GOLGA6L6: variants seen among roughly 807,000 people sequenced by gnomAD.
GOLGA6L6 encodes golgin subfamily A member 6-like protein 6.
Under a neutral mutation model 75.6 loss-of-function variants are expected in GOLGA6L6, and 12 were observed. That is an observed-to-expected ratio of 0.16 (90% CI 0.10 to 0.26). The LOEUF is 0.26. Ranked by LOEUF, GOLGA6L6 falls within the 10% of genes least tolerant of loss-of-function variation. GOLGA6L6 has a pLI of 1.00. For synonymous variants in GOLGA6L6, 38 were observed against 179.2 expected (o/e 0.21, Z 6.29); for missense variants, 144 against 598.5 (o/e 0.24, Z 7.92).
rs1890237554 is a variant in GOLGA6L6, at chr15:20,532,435, G to T, written c.*1168C>A. 8.1e-6 allele frequency: 1 copy of T among 123,918 alleles called. No individual in the cohort carries two copies. The highest frequency in any genetic ancestry group is 2.3e-4 in the East Asian group (1 of 4,382). The allele number at this position is 123,918 out of a possible 1,614,324, so 7.7% of individuals were successfully genotyped here. ...CTCGGGAAGCTGAGGCAGGAGAATT[G>T]CTTGAACCCAGGAGGCAGAGGTTAC... is the stretch of plus-strand genomic sequence containing the variant. On this transcript the variant is annotated 3_prime_UTR_variant, in exon 9 of 9. Coordinates refer to ENST00000619213, the MANE Select transcript of GOLGA6L6 (RefSeq NM_001145004.2).
At position 20,534,877 on chromosome 15, in the gene GOLGA6L6, C is replaced by T; in HGVS notation, c.1557G>A (p.Glu519=). 7.9e-7 allele frequency: 1 copy of T among 1,273,136 alleles called. No homozygotes were observed. Among genetic ancestry groups the T allele is most frequent in the South Asian group, 1.3e-5 (1 of 77,330 alleles). 78.9% of individuals were successfully genotyped at this position (1,273,136 alleles called of 1,614,324 possible). The change falls in exon 8 of 9, where the codon GAG becomes GAA. Residue 519 remains glutamate (E), a synonymous_variant. Transcript: ENST00000619213. ...GCATCTTCTCTTCCTCCCTCCACAT[C>T]TCCTCCTGCTCCCGTATCTTCTCCT... The part of the protein sequence containing the change: ...RQEEKIREQE[E]MWREEEKMHE...
rs889707760 is a variant in GOLGA6L6 at position 20,532,266 on chromosome 15, A to G, written c.*1337T>C. The G allele has an allele frequency of 7.0e-6, 1 of 143,512 alleles. No individual in the cohort carries two copies. The highest frequency in any genetic ancestry group is 2.7e-5 in the African/African-American group (1 of 37,252). 8.9% of individuals were successfully genotyped at this position (143,512 alleles called of 1,614,324 possible). A position where few individuals can be genotyped will look rare whatever the true frequency, so the allele number is the denominator to read the frequency against. On this transcript the variant is annotated 3_prime_UTR_variant, in exon 9 of 9. Transcript: ENST00000619213. ...ACAGATGGGCCAGATGCAGTGGCTC[A>G]TACTTGTAATCCCAGCACTTTGGGA...
chr15:20,534,501 A>G lies in GOLGA6L6; in HGVS notation c.1933T>C (p.Trp645Arg), dbSNP rs3102424. ...TCCCTTATCTTCTCCTCCTGCCTCC[A>G]CATCGTCTCCTCCTGTTCTTGCATC... ...EKMQEQEETM[W>R]RQEEKIREQE... Residue 645 changes from tryptophan (W) to arginine (R), a missense_variant, in exon 8 of 9, where the codon TGG becomes CGG. Physicochemically the swap from Trp to Arg is moderately radical, Grantham distance 101. Coordinates refer to ENST00000619213, the MANE Select transcript of GOLGA6L6 (RefSeq NM_001145004.2). 0.12 allele frequency: 121,110 copies of G among 1,042,614 alleles called. 6,023 individuals carry two copies. Among genetic ancestry groups the G allele is most frequent in the East Asian group, 0.48 (12,763 of 26,712 alleles). The allele number at this position is 1,042,614 out of a possible 1,614,324, so 64.6% of individuals were successfully genotyped here.
Position 20,535,057 on chromosome 15 carries a change from T to A in GOLGA6L6, c.1377A>T (p.Ile459=), listed in dbSNP as rs555450276. The change falls in exon 8 of 9, where the codon ATA becomes ATT. Residue 459 remains isoleucine (I), a synonymous_variant. Transcript: ENST00000619213. ...GCCTCCATATCTCCTCCTGCTCCCT[T>A]ATCTTCTCCTCCTGCCTCCACATCT... The part of the protein sequence containing the change: ...QEEMWRQEEK[I]REQEEIWRQK... The A allele has an allele frequency of 2.6e-6, 3 of 1,170,036 alleles. No individual in the cohort carries two copies. The East Asian group carries it at 8.5e-5, about 33-fold the overall frequency. 72.5% of individuals were successfully genotyped at this position (1,170,036 alleles called of 1,614,324 possible).
chr15:20,537,598 C>T (rs1196806225), intron 5 of GOLGA6L6, among the ~76,000 whole-genome samples: 7 of 147,438 alleles, frequency 4.7e-5, no homozygotes, highest in African/African-American at 7.5e-5. Flanking sequence ...GAAAAACATG[C>T]GGTATTAAAG....
intron 5 of GOLGA6L6, among the ~76,000 whole-genome samples, chr15:20,537,460 A>C (rs1441342943): frequency 2.8e-5 from 4 of 142,768 alleles, no homozygotes; most frequent in African/African-American, 1.1e-4. Flanking sequence ...TGTTATTGCT[A>C]TTACTGTTAG....
Position 20,534,596 on chromosome 15 carries a change from T to C in GOLGA6L6, c.1838A>G (p.Glu613Gly), listed in dbSNP as rs1466488594. The change falls in exon 8 of 9, where the codon GAG becomes GGG. Residue 613 changes from glutamate (E) to glycine (G), a missense_variant. Transcript: ENST00000619213. ...CTCTTCCTGTTCCTGCGTCATCTCC[T>C]CCTGCTCTCGTATCTTCTCCTCCTG... is the stretch of plus-strand genomic sequence containing the variant. ...REQEEKIREQ[E>G]EMTQEQEEKM... 1 of 1,529,846 alleles carries C rather than the reference T, an allele frequency of 6.5e-7. No individual in the cohort carries two copies. The highest frequency in any genetic ancestry group is 1.2e-5 in the South Asian group (1 of 82,288). 94.8% of individuals were successfully genotyped at this position (1,529,846 alleles called of 1,614,324 possible). A position where few individuals can be genotyped will look rare whatever the true frequency, so the allele number is the denominator to read the frequency against.
chr15:20,534,539 T>C lies in GOLGA6L6; in HGVS notation c.1895A>G (p.Glu632Gly). 1 of 1,532,064 alleles carries C rather than the reference T, an allele frequency of 6.5e-7. No individual in the cohort carries two copies. Among genetic ancestry groups the C allele is most frequent in the Non-Finnish European group, 8.8e-7 (1 of 1,136,830 alleles). The allele number at this position is 1,532,064 out of a possible 1,614,324, so 94.9% of individuals were successfully genotyped here. A position where few individuals can be genotyped will look rare whatever the true frequency, so the allele number is the denominator to read the frequency against. Residue 632 changes from glutamate (E) to glycine (G), a missense_variant, in exon 8 of 9, where the codon GAG (glutamate) becomes GGG (glycine). Coordinates refer to ENST00000619213, the MANE Select transcript of GOLGA6L6 (RefSeq NM_001145004.2). Reference sequence around the variant, plus strand: ...CTGTTCTTGCATCTTCTCTTCCTGCTCACACATCTTCTCCTCCTGCTCCCC... The same window carrying C: ...CTGTTCTTGCATCTTCTCTTCCTGCCCACACATCTTCTCCTCCTGCTCCCC... Reference protein sequence around the residue: ...KMGEQEEKMCEQEEKMQEQEE... With the variant: ...KMGEQEEKMCGQEEKMQEQEE...
In GOLGA6L6 at chr15:20,541,640, G is replaced by A; in HGVS notation, c.70C>T (p.His24Tyr). The change falls in exon 1 of 9, where the codon CAT becomes TAT. Residue 24 changes from histidine (H) to tyrosine (Y), a missense_variant. Physicochemically the swap from His to Tyr is moderately conservative, Grantham distance 83. Coordinates refer to ENST00000619213, the MANE Select transcript of GOLGA6L6 (RefSeq NM_001145004.2). ...HLPTHPHLPT[H>Y]PHLPTHPHLP... The stretch of plus-strand genomic sequence containing the variant: ...TGGGGATGGGTAGGGAGGTGGGGAT[G>A]GGTAGGGAGGTGGGGATGGGTAGGG... 2.8e-6 allele frequency: 1 copy of A among 355,726 alleles called. No homozygotes were observed. The allele number at this position is 355,726 out of a possible 1,614,324, so 22.0% of individuals were successfully genotyped here. A position where few individuals can be genotyped will look rare whatever the true frequency, so the allele number is the denominator to read the frequency against.
chr15:20,532,160 T>TAA lies in GOLGA6L6; in HGVS notation c.*1441_*1442dup, dbSNP rs1313134424. 8.2e-6 allele frequency: 1 copy of TAA among 122,674 alleles called. No individual in the cohort carries two copies. The highest frequency in any genetic ancestry group is 3.3e-5 in the African/African-American group (1 of 30,396). The allele number at this position is 122,674 out of a possible 1,614,324, so 7.6% of individuals were successfully genotyped here. On this transcript the variant is annotated 3_prime_UTR_variant, in exon 9 of 9. Coordinates refer to ENST00000619213, the MANE Select transcript of GOLGA6L6 (RefSeq NM_001145004.2). The stretch of plus-strand genomic sequence containing the variant: ...GGTTCCATAGTAATGTTAAATGAGT[T>TAA]AAAACTCATCAAAATGTAAACCAGA...
chr15:20,538,669 A>C lies in GOLGA6L6; in HGVS notation c.309T>G (p.His103Gln), dbSNP rs2934040. The C allele has an allele frequency of 2.8e-4, 285 of 1,004,558 alleles. 16 individuals are homozygous for C. In the South Asian group the frequency reaches 3.6e-3, roughly 13 times the overall value. 62.2% of individuals were successfully genotyped at this position (1,004,558 alleles called of 1,614,324 possible). ...HSPEDEQKAS[H>Q]QHQEALRREL... ...CCCTCCTTAGGGCTTCCTGATGTTG[A>C]TGGCTTGCCTTCTGTTCCTATAGAA... Residue 103 changes from histidine to glutamine, a missense_variant, in exon 3 of 9, where the codon CAT (histidine) becomes CAG (glutamine). His to Gln is a conservative substitution (Grantham distance 24). Coordinates refer to ENST00000619213, the MANE Select transcript of GOLGA6L6 (RefSeq NM_001145004.2).
In GOLGA6L6 at chr15:20,539,213, C is replaced by G. The variant is rs2930400; in HGVS notation, c.292-527G>C. ...GAAACTAGATTCTCTTGAAAAGATACTAACAGAAACCTTCAGAGGTGGAGT... is the reference window on the plus strand; with the variant it reads ...GAAACTAGATTCTCTTGAAAAGATAGTAACAGAAACCTTCAGAGGTGGAGT... On this transcript the variant is annotated intron_variant, in intron 2 of 8. Coordinates refer to ENST00000619213, the MANE Select transcript of GOLGA6L6 (RefSeq NM_001145004.2). 6.7e-3 allele frequency among the ~76,000 whole-genome samples: 373 copies of G among 55,798 alleles called. 43 individuals carry two copies. The highest frequency in any genetic ancestry group is 0.028 in the African/African-American group (312 of 11,304). The allele number at this position is 55,798 out of a possible 152,430, so 36.6% of individuals were successfully genotyped here. A position where few individuals can be genotyped will look rare whatever the true frequency, so the allele number is the denominator to read the frequency against.
chr15:20,536,046 CAAAT>C (rs1182253314), intron 7 of GOLGA6L6, among the ~76,000 whole-genome samples: 187 of 12,142 alleles, frequency 0.015, 23 homozygotes, highest in African/African-American at 0.048. Flanking sequence ...GACTACTTCT[CAAAT>C]AAATAAATAA....
At position 20,541,598 on chromosome 15, in the gene GOLGA6L6, T is replaced by C; in HGVS notation, c.112A>G (p.Met38Val). The C allele has an allele frequency of 2.6e-6, 1 of 384,858 alleles. No homozygotes were observed. The highest frequency in any genetic ancestry group is 4.5e-6 in the Non-Finnish European group (1 of 221,076). 23.8% of individuals were successfully genotyped at this position (384,858 alleles called of 1,614,324 possible). A position where few individuals can be genotyped will look rare whatever the true frequency, so the allele number is the denominator to read the frequency against. Residue 38 changes from methionine to valine, a missense_variant, in exon 1 of 9, where the codon ATG (methionine) becomes GTG (valine). Physicochemically the swap from Met to Val is conservative, Grantham distance 21 (BLOSUM62 1). Transcript: ENST00000619213. ...CTCTGTCTGGTTTCTTTGGACATCA[T>C]AGGATGGGTAGGGAGGTGGGGATGG... ...PTHPHLPTHP[M>V]MSKETRQSKL...
chr15:20,538,748 A>G, intron 2 of GOLGA6L6, 62 bp from the exon 3 acceptor site: 2 of 1,399,974 alleles, frequency 1.4e-6, no homozygotes, highest in Non-Finnish European at 2.0e-6. Context: ...AGCAAGAGAC[A>G]TGCCCCCAGA....
In GOLGA6L6 at chr15:20,534,822, T is replaced by A; in HGVS notation, c.1612A>T (p.Lys538Ter). The change falls in exon 8 of 9, where the codon AAG (lysine) becomes TAG (stop). Residue 538 changes from lysine (K) to a stop codon, truncating the protein, a stop_gained. Transcript: ENST00000619213. LOFTEE classifies it high-confidence loss of function. ...ATCTTATCCTCCTGCTCCTGCCTCTTCTCCTCCTCCCATATCTTCTCCTGC... is the reference window on the plus strand; with the variant it reads ...ATCTTATCCTCCTGCTCCTGCCTCTACTCCTCCTCCCATATCTTCTCCTGC... ...HEQEKIWEEE[K>*]RQEQEDKMWR... is the part of the protein sequence containing the mutation. 1 of 1,116,290 alleles carries A rather than the reference T, an allele frequency of 9.0e-7. No homozygotes were observed. The highest frequency in any genetic ancestry group is 1.3e-6 in the Non-Finnish European group (1 of 799,542). The allele number at this position is 1,116,290 out of a possible 1,614,324, so 69.1% of individuals were successfully genotyped here.
chr15:20,534,386 TC>T lies in GOLGA6L6; in HGVS notation c.2047del (p.Glu683ArgfsTer30), dbSNP rs1890284992. On this transcript the variant is annotated frameshift_variant, in exon 8 of 9. Transcript: ENST00000619213. LOFTEE classifies it high-confidence loss of function. Reference protein sequence around the residue: ...QEQEEKMWEQEEKMCEQEEKM... With the variant: ...QEQEEKMWEQXEKMCEQEEKM... The stretch of plus-strand genomic sequence containing the variant: ...CTCTTCCTGCTCACACATCTTCTCC[TC>T]CTGCTCCCACATCTTCTCTTCCTGT... 1.4e-6 allele frequency: 2 copies of T among 1,404,868 alleles called. No homozygotes were observed. Among genetic ancestry groups the T allele is most frequent in the African/African-American group, 1.7e-5 (1 of 60,006 alleles). The allele number at this position is 1,404,868 out of a possible 1,614,324, so 87.0% of individuals were successfully genotyped here.
intron 5 of GOLGA6L6, among the ~76,000 whole-genome samples, chr15:20,537,489 C>T (rs1890394655): frequency 6.9e-6 from 1 of 145,798 alleles, no homozygotes; most frequent in Admixed American, 6.9e-5. Context: ...CTGTTCGAAC[C>T]TTTCTTGAGT....
In GOLGA6L6 at chr15:20,534,780, TCTC is replaced by T; in HGVS notation, c.1651_1653del (p.Glu551del). ...ACCTTCTCCTCCTGCTCCCGTATCT[TCTC>T]CTCCTGCCTCCACATCTTATCCTCC... is the stretch of plus-strand genomic sequence containing the variant. On this transcript the variant is annotated inframe_deletion, in exon 8 of 9. Transcript: ENST00000619213. The T allele has an allele frequency of 5.7e-6, 7 of 1,224,498 alleles. No homozygotes were observed. Among genetic ancestry groups the T allele is most frequent in the Non-Finnish European group, 6.9e-6 (6 of 874,032 alleles). 75.9% of individuals were successfully genotyped at this position (1,224,498 alleles called of 1,614,324 possible). A position where few individuals can be genotyped will look rare whatever the true frequency, so the allele number is the denominator to read the frequency against.
Sources: allele counts gnomAD v4.1 joint callset (sites outside exome capture counted in the v4.1 genomes callset), GRCh38; gene constraint gnomAD v4.1.1; transcripts MANE v1.5; gene names NCBI Gene and HGNC (gene_info 2026-07-23, HGNC 2026-07-21).